HEATR4: variants seen among roughly 807,000 people sequenced by gnomAD.
HEATR4 encodes HEAT repeat-containing protein 4.
HEATR4 carries 95 observed loss-of-function variants against 108.8 expected under a neutral mutation model. The observed-to-expected ratio is 0.87, with a 90% CI of 0.74 to 1.04. The LOEUF is 1.04. Among genes scored for constraint, HEATR4 ranks in the 50% least tolerant of loss-of-function variants. HEATR4 has a pLI of 0.00. For synonymous variants in HEATR4, 443 were observed against 459.4 expected, an observed-to-expected ratio of 0.96 and a Z score of 0.46; for missense variants, 1,152 against 1,253.8, an observed-to-expected ratio of 0.92 and a Z score of 1.23.
At chr14:73,508,826 C>G (rs1179399374) in intron 8 of HEATR4, among the ~76,000 whole-genome samples, 1 of 150,650 alleles carries the variant, frequency 6.6e-6, no homozygotes, top group African/African-American at 2.4e-5. Context: ...TGTTAAAGTA[C>G]CTAGAAAGAG....
the HEATR4 span, chr14:73,616,851 T>C: frequency 1.7e-6 from 1 of 575,784 alleles, no homozygotes; most frequent in African/African-American, 1.9e-5. Flanking sequence ...CTCTATATTA[T>C]CATTATTGTT....
chr14:73,552,232 C>T (rs1055914042), intron 1 of HEATR4, among the ~76,000 whole-genome samples: 3 of 103,230 alleles, frequency 2.9e-5, no homozygotes, highest in Non-Finnish European at 4.1e-5. Flanking sequence ...TGTACAGATT[C>T]GCCACCAGTA....
chr14:73,502,505 C>T (rs1162713946), intron 11 of HEATR4, among the ~76,000 whole-genome samples: 1 of 151,926 alleles, frequency 6.6e-6, no homozygotes, highest in Non-Finnish European at 1.5e-5. Flanking sequence ...AGGGTCCGTA[C>T]AGAGGAGCTC....
chr14:73,512,863 C>T (rs1480741890), intron 6 of HEATR4, among the ~76,000 whole-genome samples: 1 of 152,120 alleles, frequency 6.6e-6, no homozygotes, highest in Non-Finnish European at 1.5e-5. Flanking sequence ...TAATGGATTG[C>T]CTCTCTTTTT....
chr14:73,516,147 CAAAAAAAAAAAA>C (rs149945107), intron 5 of HEATR4, among the ~76,000 whole-genome samples: 1 of 9,158 alleles, frequency 1.1e-4, no homozygotes, highest in Non-Finnish European at 1.5e-4. Context: ...CAACAGTCAT[CAAAAAAAAAAAA>C]AAAAAAAAAA....
In HEATR4 at chr14:73,478,530, T is replaced by C; in HGVS notation, c.*76A>G. 1 of 907,350 alleles carries C rather than the reference T, an allele frequency of 1.1e-6. No individual in the cohort carries two copies. The highest frequency in any genetic ancestry group is 1.8e-6 in the Non-Finnish European group (1 of 562,366). 56.2% of individuals were successfully genotyped at this position (907,350 alleles called of 1,614,324 possible). On this transcript the variant is annotated 3_prime_UTR_variant, in exon 18 of 18. Coordinates refer to ENST00000553558, the MANE Select transcript of HEATR4 (RefSeq NM_001220484.1). ...TATAAACATAGTGACAACAAGATTG[T>C]ACAGTATCAATTAAAAAGACCCAAT...
At chr14:73,613,703 T>A in the HEATR4 span, among the ~76,000 whole-genome samples, 1 of 152,150 alleles carries the variant, frequency 6.6e-6, no homozygotes, top group Non-Finnish European at 1.5e-5. Context: ...AGGCCAGAGA[T>A]GCTGCTAAAC....
intron 1 of HEATR4, among the ~76,000 whole-genome samples, chr14:73,557,423 C>A (rs1480923923): frequency 2.0e-5 from 2 of 100,830 alleles, no homozygotes; most frequent in Non-Finnish European, 4.2e-5. Context: ...TGGTCTGATA[C>A]CTTTATCCTG....
chr14:73,616,843 C>G, the HEATR4 span: 3,302 of 565,658 alleles, frequency 5.8e-3, 56 homozygotes, highest in South Asian at 0.033. Context: ...TTTTATCCCT[C>G]TATATTATCA....
Position 73,531,670 on chromosome 14 carries a change from A to G in HEATR4, c.-151-1426T>C, listed in dbSNP as rs1888711922. Among the ~76,000 whole-genome samples, 4 of 110,016 alleles carry G rather than the reference A, an allele frequency of 3.6e-5. 2 individuals carry two copies. The highest frequency in any genetic ancestry group is 7.8e-5 in the Non-Finnish European group (4 of 51,074). The allele number at this position is 110,016 out of a possible 152,430, so 72.2% of individuals were successfully genotyped here. A position where few individuals can be genotyped will look rare whatever the true frequency, so the allele number is the denominator to read the frequency against. Reference sequence around the variant, plus strand: ...GTGATGCACCTGCCTTGGCCTCCCAAAGTGCTGGGATTTGCAACTGTGAGC... The same window carrying G: ...GTGATGCACCTGCCTTGGCCTCCCAGAGTGCTGGGATTTGCAACTGTGAGC... On this transcript the variant is annotated intron_variant, in intron 1 of 17. Coordinates refer to ENST00000553558, the MANE Select transcript of HEATR4 (RefSeq NM_001220484.1).
At chr14:73,607,265 G>A in the HEATR4 span, among the ~76,000 whole-genome samples, 6 of 152,288 alleles carry the variant, frequency 3.9e-5, no homozygotes, top group Admixed American at 3.3e-4. Flanking sequence ...AGCCAAGATT[G>A]CACCACTGCA....
chr14:73,515,211 G>A (rs781238355), intron 5 of HEATR4, among the ~76,000 whole-genome samples: 5 of 152,054 alleles, frequency 3.3e-5, no homozygotes, highest in African/African-American at 4.8e-5. Context: ...ATTTCCAGAT[G>A]TACTAAATTC....
chr14:73,589,730 C>G, the HEATR4 span, among the ~76,000 whole-genome samples: 1 of 152,188 alleles, frequency 6.6e-6, no homozygotes, highest in African/African-American at 2.4e-5. Context: ...CTTGGTCTCA[C>G]TGACTTCAAC....
At chr14:73,591,995 C>T in the HEATR4 span, 3 of 1,421,616 alleles carry the variant, frequency 2.1e-6, no homozygotes, top group Non-Finnish European at 1.8e-6. Context: ...CCCCAGGCCG[C>T]TGCTGCTGGA....
chr14:73,495,590 TAAAG>T (rs1454251669), intron 15 of HEATR4, among the ~76,000 whole-genome samples: 6 of 150,202 alleles, frequency 4.0e-5, no homozygotes, highest in Admixed American at 6.6e-5. Context: ...CTCTAGAAAA[TAAAG>T]AAGTAACTAA....
chr14:73,479,726 G>A (rs916364382), intron 17 of HEATR4, among the ~76,000 whole-genome samples: 26 of 151,480 alleles, frequency 1.7e-4, no homozygotes, highest in Admixed American at 5.9e-4. Context: ...CTCCGCTCCC[G>A]GCCACGCCCA....
chr14:73,576,816 A>AAAAAAAAAAAAAACAAAAAG, the HEATR4 span, among the ~76,000 whole-genome samples: 2 of 58,158 alleles, frequency 3.4e-5, 1 homozygote, highest in Non-Finnish European at 6.6e-5. Flanking sequence ...AAAAAAAAAA[A>AAAAAAAAAAAAAACAAAAAG]AAAAGACAAT....
the HEATR4 span, among the ~76,000 whole-genome samples, chr14:73,572,656 T>TGAGACAGTGTCTCGC: frequency 7.5e-6 from 1 of 133,096 alleles, no homozygotes; most frequent in African/African-American, 2.9e-5. Flanking sequence ...TTTTTTTTTT[T>TGAGACAGTGTCTCGC]TTTTTTTTTG....
chr14:73,494,852 C>T (rs535015845), intron 16 of HEATR4, among the ~76,000 whole-genome samples: 26 of 152,248 alleles, frequency 1.7e-4, no homozygotes, highest in African/African-American at 5.5e-4. Flanking sequence ...TGCGCCACCA[C>T]GCCCAACCAC....
Sources: allele counts gnomAD v4.1 joint callset (sites outside exome capture counted in the v4.1 genomes callset), GRCh38; gene constraint gnomAD v4.1.1; transcripts MANE v1.5; gene names NCBI Gene and HGNC (gene_info 2026-07-23, HGNC 2026-07-21).